The following NDUFAF7 variants were observed in gnomAD, a reference collection of about 807,000 sequenced individuals.
NDUFAF7 encodes the protein protein arginine methyltransferase NDUFAF7, mitochondrial.
NDUFAF7 carries 48 observed loss-of-function variants against 47.2 expected under a neutral mutation model. The observed-to-expected ratio is 1.02, with a 90% CI of 0.81 to 1.29. NDUFAF7 has a LOEUF of 1.29. Ranked by LOEUF, NDUFAF7 falls within the 50% of genes most tolerant of loss-of-function variation. NDUFAF7 has a pLI of 0.00. For missense variants in NDUFAF7, 635 were observed against 537.6 expected, an observed-to-expected ratio of 1.18 and a Z score of -1.79; for synonymous variants, 217 against 190.0, an observed-to-expected ratio of 1.14 and a Z score of -1.17.
chr2:37,262,235 T>G, the NDUFAF7 span, among the ~76,000 whole-genome samples: 2 of 152,214 alleles, frequency 1.3e-5, no homozygotes, highest in Non-Finnish European at 2.9e-5. Context: ...GAGTTCCATG[T>G]CTAAGATGTT....
rs1665132791 is a variant in NDUFAF7, at chr2:37,231,673, C to T, written c.-33C>T. On this transcript the variant is annotated 5_prime_UTR_variant, in exon 1 of 10. Transcript: ENST00000002125. The stretch of plus-strand genomic sequence containing the variant: ...CCCGGAAATGGTCTAAGCCCCAGCT[C>T]CTGGCGGAGCGAGCTAGCCTGCGAA... The T allele has an allele frequency of 3.1e-6, 5 of 1,614,068 alleles. No homozygotes were observed. Among genetic ancestry groups the T allele is most frequent in the East Asian group, 2.2e-5 (1 of 44,898 alleles).
the NDUFAF7 span, chr2:37,267,564 A>G: frequency 6.7e-7 from 1 of 1,503,368 alleles, no homozygotes; most frequent in Non-Finnish European, 9.2e-7. Context: ...AGAGGAACGA[A>G]TGAAGCAAAC....
intron 3 of NDUFAF7, among the ~76,000 whole-genome samples, chr2:37,236,756 C>G (rs1338973858): frequency 1.4e-5 from 2 of 146,388 alleles, no homozygotes; most frequent in Non-Finnish European, 3.0e-5. Flanking sequence ...ACTCCAGCCT[C>G]GGCGACTGAG....
the NDUFAF7 span, chr2:37,259,548 C>T: frequency 7.2e-5 from 110 of 1,517,804 alleles, no homozygotes; most frequent in South Asian, 1.4e-4. Flanking sequence ...AAAATGTTGC[C>T]AGAATCATTT....
At chr2:37,258,280 A>G (rs1168852901), downstream of NDUFAF7, among the ~76,000 whole-genome samples, 1 of 152,228 alleles carries the variant, frequency 6.6e-6, no homozygotes, top group East Asian at 1.9e-4. Flanking sequence ...TATTTGCTCA[A>G]AATCATTACT....
the NDUFAF7 span, among the ~76,000 whole-genome samples, chr2:37,258,753 A>G: frequency 4.6e-5 from 7 of 152,230 alleles, no homozygotes; most frequent in African/African-American, 1.4e-4. Flanking sequence ...AAGCTGAACG[A>G]TTTTTAATAT....
chr2:37,266,028 C>G, the NDUFAF7 span, among the ~76,000 whole-genome samples: 1 of 152,076 alleles, frequency 6.6e-6, no homozygotes, highest in Non-Finnish European at 1.5e-5. Context: ...GCAAAAATAC[C>G]TGACAACATA....
downstream of NDUFAF7, among the ~76,000 whole-genome samples, chr2:37,249,899 A>G (rs967215951): frequency 6.6e-6 from 1 of 151,930 alleles, no homozygotes; most frequent in African/African-American, 2.4e-5. Flanking sequence ...GGCAGTGATG[A>G]ACTGTTGCTT....
downstream of NDUFAF7, among the ~76,000 whole-genome samples, chr2:37,250,327 T>C (rs1667382708): frequency 6.6e-6 from 1 of 152,158 alleles, no homozygotes; most frequent in South Asian, 2.1e-4. Flanking sequence ...TTAAAGTTTT[T>C]ATAATTAAGG....
chr2:37,264,978 C>T, the NDUFAF7 span, among the ~76,000 whole-genome samples: 6 of 152,040 alleles, frequency 3.9e-5, no homozygotes, highest in South Asian at 4.1e-4. Flanking sequence ...TCCTTGCCAC[C>T]GGAAAGGCCA....
intron 2 of NDUFAF7, among the ~76,000 whole-genome samples, chr2:37,233,822 A>G (rs1665463037): frequency 6.6e-6 from 1 of 152,184 alleles, no homozygotes; most frequent in African/African-American, 2.4e-5. Flanking sequence ...GGACCCTTTA[A>G]TAGAAATCAG....
At chr2:37,256,653 T>TAAC, downstream of NDUFAF7, 1 of 1,404,692 alleles carries the variant, frequency 7.1e-7, no homozygotes, top group Non-Finnish European at 9.3e-7. Flanking sequence ...TTTTTTTTTT[T>TAAC]TTTTTTACCT....
At chr2:37,262,035 C>T in the NDUFAF7 span, among the ~76,000 whole-genome samples, 1 of 152,192 alleles carries the variant, frequency 6.6e-6, no homozygotes, top group Non-Finnish European at 1.5e-5. Flanking sequence ...AGGTAGGCTA[C>T]ACGGGGCTAA....
chr2:37,267,598 CCA>C, the NDUFAF7 span: 1 of 1,202,248 alleles, frequency 8.3e-7, no homozygotes, highest in Non-Finnish European at 1.2e-6. Context: ...AGGGAGTTGT[CCA>C]CAGACTGAAA....
intron 4 of NDUFAF7, among the ~76,000 whole-genome samples, chr2:37,239,118 CTTTTTTT>C (rs368415833): frequency 1.5e-5 from 2 of 133,096 alleles, no homozygotes; most frequent in Non-Finnish European, 3.2e-5. Context: ...TTTTCTTTCT[CTTTTTTT>C]TTTTTTTTTT....
downstream of NDUFAF7, chr2:37,251,582 A>T (rs188154297): frequency 4.6e-5 from 7 of 152,254 alleles, no homozygotes; most frequent in Admixed American, 3.9e-4. Context: ...GGATGTCGAA[A>T]GGCCTTCTCA....
At chr2:37,260,629 G>A in the NDUFAF7 span, among the ~76,000 whole-genome samples, 1 of 152,138 alleles carries the variant, frequency 6.6e-6, no homozygotes, top group Non-Finnish European at 1.5e-5. Context: ...AATCACTCTT[G>A]TCCATTACTA....
chr2:37,233,812 G>A (rs1665461980), intron 2 of NDUFAF7, among the ~76,000 whole-genome samples: 1 of 151,988 alleles, frequency 6.6e-6, no homozygotes. Context: ...CTTAACCTAG[G>A]GACCCTTTAA....
At chr2:37,238,342 C>T (rs967608293) in intron 4 of NDUFAF7, among the ~76,000 whole-genome samples, 3 of 151,970 alleles carry the variant, frequency 2.0e-5, no homozygotes, top group Non-Finnish European at 2.9e-5. Flanking sequence ...GGCAGGGAAT[C>T]GCTTGAACCC....
Sources: allele counts gnomAD v4.1 joint callset (sites outside exome capture counted in the v4.1 genomes callset), GRCh38; gene constraint gnomAD v4.1.1; transcripts MANE v1.5; gene names NCBI Gene and HGNC (gene_info 2026-07-23, HGNC 2026-07-21).